SARDH: variants seen among roughly 807,000 people sequenced by gnomAD.
SARDH encodes sarcosine dehydrogenase, also known as sarcosine dehydrogenase, mitochondrial.
SARDH carries 95 observed loss-of-function variants against 109.1 expected under a neutral mutation model. The ratio of observed to expected loss-of-function variants is 0.87; its 90% CI spans 0.74 to 1.03. SARDH has a LOEUF of 1.03. SARDH is among the 50% of genes least tolerant of loss of function. SARDH has a pLI of 0.00. For synonymous variants in SARDH, 572 were observed against 534.8 expected (o/e 1.07, Z -0.96); for missense variants, 1,267 against 1,287.8 (o/e 0.98, Z 0.25).
chr9:133,714,754 T>C (rs1832056752), intron 8 of SARDH, among the ~76,000 whole-genome samples: 1 of 152,098 alleles, frequency 6.6e-6, no homozygotes, highest in Non-Finnish European at 1.5e-5. Flanking sequence ...CTCTGCAGCC[T>C]GGGCAACACA....
At chr9:133,726,752 G>T (rs1004224652) in intron 6 of SARDH, among the ~76,000 whole-genome samples, 8 of 152,126 alleles carry the variant, frequency 5.3e-5, no homozygotes, top group African/African-American at 1.9e-4. Flanking sequence ...TCTTCCATCT[G>T]ATCCCTGCCT....
chr9:133,682,631 C>T (rs778762569), intron 17 of SARDH, among the ~76,000 whole-genome samples: 2 of 152,012 alleles, frequency 1.3e-5, no homozygotes, highest in Non-Finnish European at 2.9e-5. Flanking sequence ...CACTCAGCCC[C>T]TGTGCTGAAA....
intron 6 of SARDH, among the ~76,000 whole-genome samples, chr9:133,723,271 T>C (rs1564291874): frequency 6.6e-6 from 1 of 152,140 alleles, no homozygotes; most frequent in Non-Finnish European, 1.5e-5. Flanking sequence ...TTTGAAGAAA[T>C]TAAATAGCTG....
rs868494793 is a variant in SARDH at position 133,670,588 on chromosome 9, C to G, written c.2491G>C (p.Glu831Gln). The G allele has an allele frequency of 6.4e-7, 1 of 1,572,592 alleles. No individual in the cohort carries two copies. The highest frequency in any genetic ancestry group is 2.3e-5 in the East Asian group (1 of 42,732). Reference sequence around the variant, plus strand: ...GTGGAACAGCGGGATACTCACTCCTCCATGGTGAAGCACACCAGGCGCCGG... The same window carrying G: ...GTGGAACAGCGGGATACTCACTCCTGCATGGTGAAGCACACCAGGCGCCGG... Reference protein sequence around the residue: ...LRRRLVCFTMEDKVPMFGLEA... With the variant: ...LRRRLVCFTMQDKVPMFGLEA... The change falls in exon 19 of 21, where the codon GAG becomes CAG. Residue 831 changes from glutamate to glutamine, a missense_variant. Transcript: ENST00000439388.
intron 19 of SARDH, among the ~76,000 whole-genome samples, chr9:133,667,429 G>A (rs1830114790): frequency 6.6e-6 from 1 of 151,986 alleles, no homozygotes; most frequent in Non-Finnish European, 1.5e-5. Flanking sequence ...GCCTCCCAAA[G>A]TGCTGGGATT....
intron 11 of SARDH, 106 bp from the exon 12 acceptor site, chr9:133,705,137 G>A (rs1201387229): frequency 8.6e-7 from 1 of 1,159,132 alleles, no homozygotes; most frequent in Non-Finnish European, 1.3e-6. Flanking sequence ...GGAGAGCAAG[G>A]AGGCCCTGAC....
chr9:133,672,989 G>A (rs1032043435), intron 17 of SARDH, among the ~76,000 whole-genome samples: 4 of 152,216 alleles, frequency 2.6e-5, no homozygotes, highest in Non-Finnish European at 4.4e-5. Context: ...GCTTCATCTC[G>A]TCCCTCCACG....
At chr9:133,716,678 C>G (rs964737630) in intron 8 of SARDH, among the ~76,000 whole-genome samples, 4 of 152,240 alleles carry the variant, frequency 2.6e-5, no homozygotes, top group Non-Finnish European at 5.9e-5. Flanking sequence ...GAGCTGAGCC[C>G]ACCTTTTTGC....
intron 3 of SARDH, 89 bp from the exon 4 acceptor site, chr9:133,731,573 C>G: frequency 7.5e-7 from 1 of 1,340,444 alleles, no homozygotes; most frequent in Non-Finnish European, 1.0e-6. Context: ...ACCGCAAACC[C>G]CAGCCTCACT....
rs1403175931 is a variant in SARDH at position 133,712,321 on chromosome 9, T to A, written c.1328+298A>T. ...TCCCTCCTGCCCCCAGGCCTCAGTC[T>A]CCCCATCTGTGAGGTGGGGTGATGC... is the stretch of plus-strand genomic sequence containing the variant. On this transcript the variant is annotated intron_variant, in intron 10 of 20. Transcript: ENST00000439388. The surrounding 1 kb of genome is among the most constrained non-coding windows in gnomAD (Gnocchi z 4.1). Among the ~76,000 whole-genome samples the A allele has an allele frequency of 6.6e-6, 1 of 151,888 alleles. No individual in the cohort carries two copies. The highest frequency in any genetic ancestry group is 1.9e-4 in the East Asian group (1 of 5,158).
intron 6 of SARDH, among the ~76,000 whole-genome samples, chr9:133,726,835 G>A (rs1832510297): frequency 6.6e-6 from 1 of 152,162 alleles, no homozygotes; most frequent in Non-Finnish European, 1.5e-5. Context: ...CTCTGTCCTT[G>A]TCCTTGTCAT....
intron 8 of SARDH, among the ~76,000 whole-genome samples, chr9:133,716,492 C>T (rs2131460893): frequency 6.6e-6 from 1 of 152,308 alleles, no homozygotes; most frequent in East Asian, 1.9e-4. Context: ...TTGCCAGGGC[C>T]CAGGCCAGCA....
intron 16 of SARDH, 59 bp from the exon 17 acceptor site, chr9:133,685,345 G>A (rs1830848969): frequency 2.8e-6 from 4 of 1,443,090 alleles, no homozygotes; most frequent in Non-Finnish European, 2.8e-6. Flanking sequence ...GCCTGGGCAG[G>A]AAAGGCCCCG....
chr9:133,667,879 C>T (rs1452655751), intron 19 of SARDH, among the ~76,000 whole-genome samples: 1 of 152,140 alleles, frequency 6.6e-6, no homozygotes, highest in Admixed American at 6.5e-5. Context: ...CCCCAACTGC[C>T]CGGAGTCCCA....
downstream of SARDH, among the ~76,000 whole-genome samples, chr9:133,659,836 G>C: frequency 6.6e-6 from 1 of 152,234 alleles, no homozygotes; most frequent in South Asian, 2.1e-4. Flanking sequence ...GGTGACAGTA[G>C]ACACGGAGCA....
intron 17 of SARDH, among the ~76,000 whole-genome samples, chr9:133,683,035 C>T (rs191277002): frequency 6.6e-6 from 1 of 152,370 alleles, no homozygotes; most frequent in Admixed American, 6.5e-5. Context: ...CCCCTGCACC[C>T]CCCACGCTGT....
At chr9:133,670,103 C>T (rs112397661) in intron 19 of SARDH, among the ~76,000 whole-genome samples, 4,050 of 152,156 alleles carry the variant, frequency 0.027, 95 homozygotes, top group South Asian at 0.11. Flanking sequence ...CCGAGGCAGG[C>T]AGATCACGAG....
At position 133,717,339 on chromosome 9, in the gene SARDH, C is replaced by A. The variant is rs541629904; in HGVS notation, c.1137G>T (p.Thr379=). The change falls in exon 8 of 21, where the codon ACG becomes ACT. Residue 379 remains threonine (T), a synonymous_variant. Coordinates refer to ENST00000439388, the MANE Select transcript of SARDH (RefSeq NM_001134707.2). ...PVLEKTGIKS[T]VCGPESFTPD... is the part of the protein sequence containing the mutation. ...GCTGTCACTCACCAGGGCCGCAGACCGTGGACTTGATTCCTGTCTTCTCCA... is the reference window on the plus strand; with the variant it reads ...GCTGTCACTCACCAGGGCCGCAGACAGTGGACTTGATTCCTGTCTTCTCCA... 3 of 1,613,988 alleles carry A rather than the reference C, an allele frequency of 1.9e-6. No homozygotes were observed. In the African/African-American group the frequency reaches 4.0e-5, roughly 22 times the overall value.
chr9:133,690,300 T>C, intron 16 of SARDH, 80 bp downstream of exon 16: 3 of 1,529,366 alleles, frequency 2.0e-6, no homozygotes, highest in Non-Finnish European at 2.7e-6. Flanking sequence ...CTGGACAAGC[T>C]GTTCTGCCCA....
Sources: gnomAD v4.1 joint callset for allele counts (sites outside exome capture counted in the v4.1 genomes callset) on GRCh38, gnomAD v4.1.1 for gene constraint, Gnocchi (gnomAD v3.1) non-coding constraint, MANE v1.5 for transcripts, NCBI Gene and HGNC (gene_info 2026-07-23, HGNC 2026-07-21) for gene names.